ZDBF2: variants seen among roughly 807,000 people sequenced by gnomAD.
ZDBF2 encodes the protein zinc finger DBF-type containing 2.
In ZDBF2, 6 loss-of-function variants were observed where a neutral mutation model predicts 9.4. That is an observed-to-expected ratio of 0.64 (90% CI 0.35 to 1.27). The LOEUF is 1.27. Ranked by LOEUF, ZDBF2 falls within the 50% of genes most tolerant of loss-of-function variation. ZDBF2 has a pLI of 0.03. For missense variants in ZDBF2, 2,697 were observed against 2,766.8 expected (o/e 0.97, Z 0.57); for synonymous variants, 905 against 946.3 (o/e 0.96, Z 0.80).
rs73052142 is a variant in ZDBF2 at position 206,300,219 on chromosome 2, T to C, written c.188+2846T>C. On this transcript the variant is annotated intron_variant, in intron 4 of 4. Coordinates refer to ENST00000374423, the MANE Select transcript of ZDBF2 (RefSeq NM_020923.3). ...AAACCAAGAAATTACATTGATACCA[T>C]ACTAACAGCTAATCTGTAGACCTTG... Among the ~76,000 whole-genome samples the C allele has an allele frequency of 2.9e-3, 447 of 152,332 alleles. 1 individual carries two copies. The highest frequency in any genetic ancestry group is 9.9e-3 in the African/African-American group (410 of 41,582).
Position 206,312,958 on chromosome 2 carries a change from T to A in ZDBF2, c.*1365T>A, listed in dbSNP as rs537993960. ...AACGAGATGCAGTTTGAGTCTGGGA[T>A]ACTCAGAATAGATCCAGAACCTTTA... On this transcript the variant is annotated 3_prime_UTR_variant, in exon 5 of 5. Coordinates refer to ENST00000374423, the MANE Select transcript of ZDBF2 (RefSeq NM_020923.3). The A allele has an allele frequency of 3.9e-5, 6 of 152,360 alleles. No homozygotes were observed. The highest frequency in any genetic ancestry group is 1.2e-4 in the African/African-American group (5 of 41,596). 9.4% of individuals were successfully genotyped at this position (152,360 alleles called of 1,614,324 possible).
In ZDBF2 at chr2:206,311,052, A is replaced by T. The variant is rs760980033; in HGVS notation, c.6524A>T (p.Lys2175Ile). The T allele has an allele frequency of 4.3e-6, 7 of 1,610,244 alleles. No individual in the cohort carries two copies. Among genetic ancestry groups the T allele is most frequent in the Non-Finnish European group, 5.9e-6 (7 of 1,179,058 alleles). Reference protein sequence around the residue: ...NKLLESQSKKKIHGKRVTTSS... With the variant: ...NKLLESQSKKIIHGKRVTTSS... Reference sequence around the variant, plus strand: ...CTTTTGGAAAGTCAAAGTAAAAAGAAAATTCATGGAAAGAGGGTGACAACT... The same window carrying T: ...CTTTTGGAAAGTCAAAGTAAAAAGATAATTCATGGAAAGAGGGTGACAACT... The change falls in exon 5 of 5, where the codon AAA (lysine) becomes ATA (isoleucine). Residue 2175 changes from lysine (K) to isoleucine (I), a missense_variant. Physicochemically the swap from Lys to Ile is moderately radical, Grantham distance 102 (BLOSUM62 -3). Around this residue, in one of 3 missense-constraint regions of ZDBF2, gnomAD observed 1,783 missense variants for 1,776.5 expected, o/e 1.00. Coordinates refer to ENST00000374423, the MANE Select transcript of ZDBF2 (RefSeq NM_020923.3).
At chr2:206,286,994 C>G (rs980478486) in intron 3 of ZDBF2, among the ~76,000 whole-genome samples, 1 of 152,088 alleles carries the variant, frequency 6.6e-6, no homozygotes, top group Non-Finnish European at 1.5e-5. Context: ...CTATAAGCAG[C>G]TTTAGTAGCA....
intron 4 of ZDBF2, among the ~76,000 whole-genome samples, chr2:206,304,072 G>A (rs1334790373): frequency 6.6e-6 from 1 of 152,152 alleles, no homozygotes; most frequent in Non-Finnish European, 1.5e-5. Flanking sequence ...GGAATTAGAG[G>A]TCAAAGGGTA....
chr2:206,310,490 G>T lies in ZDBF2; in HGVS notation c.5962G>T (p.Gly1988Trp), dbSNP rs1693104956. The change falls in exon 5 of 5, where the codon GGG becomes TGG. Residue 1988 changes from glycine to tryptophan, a missense_variant. Coordinates refer to ENST00000374423, the MANE Select transcript of ZDBF2 (RefSeq NM_020923.3). ...DRKTKKKVKI[G>W]TVEFPASCTK... Reference sequence around the variant, plus strand: ...AAAAACCAAAAAGAAAGTCAAAATTGGGACAGTTGAATTTCCTGCATCATG... The same window carrying T: ...AAAAACCAAAAAGAAAGTCAAAATTTGGACAGTTGAATTTCCTGCATCATG... The T allele has an allele frequency of 6.2e-7, 1 of 1,613,410 alleles. No individual in the cohort carries two copies. Among genetic ancestry groups the T allele is most frequent in the Non-Finnish European group, 8.5e-7 (1 of 1,179,818 alleles).
chr2:206,291,772 A>C (rs1355629279), intron 3 of ZDBF2, among the ~76,000 whole-genome samples: 1 of 152,190 alleles, frequency 6.6e-6, no homozygotes, highest in Non-Finnish European at 1.5e-5. Flanking sequence ...TTGGTTTGCT[A>C]TTAATAATAT....
chr2:206,305,503 T>C lies in ZDBF2; in HGVS notation c.975T>C (p.Thr325=), dbSNP rs755911351. Residue 325 remains threonine (T), a synonymous_variant, in exon 5 of 5, where the codon ACT becomes ACC. Transcript: ENST00000374423. ...CTAATAAAGGAATCTTTGAAGATACTATTGCAAAGAACCATGAGGAATTCT... is the reference window on the plus strand; with the variant it reads ...CTAATAAAGGAATCTTTGAAGATACCATTGCAAAGAACCATGAGGAATTCT... The part of the protein sequence containing the change: ...MPSNKGIFED[T]IAKNHEEFFS... The C allele has an allele frequency of 6.2e-7, 1 of 1,613,326 alleles. No homozygotes were observed. The highest frequency in any genetic ancestry group is 1.1e-5 in the South Asian group (1 of 90,924).
chr2:206,278,224 A>C (rs573810114), intron 1 of ZDBF2, among the ~76,000 whole-genome samples: 2 of 152,306 alleles, frequency 1.3e-5, no homozygotes, highest in East Asian at 3.9e-4. Flanking sequence ...TTTTGTAATA[A>C]AAATTAATAA....
chr2:206,291,306 A>G (rs956430847), intron 3 of ZDBF2, among the ~76,000 whole-genome samples: 1 of 152,158 alleles, frequency 6.6e-6, no homozygotes, highest in Non-Finnish European at 1.5e-5. Context: ...GATCCCTTGC[A>G]TGCACAGTTC....
intron 1 of ZDBF2, among the ~76,000 whole-genome samples, chr2:206,279,253 T>C (rs565443705): frequency 6.6e-6 from 1 of 152,304 alleles, no homozygotes; most frequent in Non-Finnish European, 1.5e-5. Flanking sequence ...AGAGGCACAA[T>C]TGAGCCTTAT....
Position 206,304,967 on chromosome 2 carries a change from C to T in ZDBF2, c.439C>T (p.Gln147Ter), listed in dbSNP as rs1692694259. The change falls in exon 5 of 5, where the codon CAG (glutamine) becomes TAG (stop). Residue 147 changes from glutamine (Q) to a stop codon, truncating the protein, a stop_gained. Coordinates refer to ENST00000374423, the MANE Select transcript of ZDBF2 (RefSeq NM_020923.3). LOFTEE classifies it low-confidence loss of function (END_TRUNC). ...TCAAAAACTGGAGAAGGGACAGCAG[C>T]AGCCCTTGGAGTTTGTTCATAAAAT... ...VIQKLEKGQQ[Q>*]PLEFVHKIGA... 2 of 1,613,650 alleles carry T rather than the reference C, an allele frequency of 1.2e-6. No individual in the cohort carries two copies. Among genetic ancestry groups the T allele is most frequent in the Non-Finnish European group, 1.7e-6 (2 of 1,179,774 alleles).
In ZDBF2 at chr2:206,310,377, G is replaced by T; in HGVS notation, c.5849G>T (p.Cys1950Phe). ...ATCAGCCATAGTACTCAGACCAGTT[G>T]TAAGAATTACCCAGTGATGAAAAGA... ...AKISHSTQTS[C>F]KNYPVMKRKI... The change falls in exon 5 of 5, where the codon TGT becomes TTT. Residue 1950 changes from cysteine to phenylalanine, a missense_variant. Physicochemically the swap from Cys to Phe is radical, Grantham distance 205. Transcript: ENST00000374423. 6.2e-7 allele frequency: 1 copy of T among 1,613,932 alleles called. No homozygotes were observed. Among genetic ancestry groups the T allele is most frequent in the Non-Finnish European group, 8.5e-7 (1 of 1,179,888 alleles).
Position 206,307,707 on chromosome 2 carries a change from T to A in ZDBF2, c.3179T>A (p.Phe1060Tyr). ...ATGACTGACCAACCTCAACTAGCTT[T>A]TTTGAAGGAAAAACATGTTAATCTG... ...QSMTDQPQLA[F>Y]LKEKHVNLKD... Residue 1060 changes from phenylalanine (F) to tyrosine (Y), a missense_variant, in exon 5 of 5, where the codon TTT becomes TAT. This residue lies in a region of ZDBF2 where 1,783 missense variants were observed against 1,776.5 expected (regional missense o/e 1.00). Transcript: ENST00000374423. The A allele has an allele frequency of 6.2e-7, 1 of 1,613,476 alleles. No individual in the cohort carries two copies.
intron 3 of ZDBF2, among the ~76,000 whole-genome samples, chr2:206,290,583 T>C (rs1244851250): frequency 6.6e-6 from 1 of 152,242 alleles, no homozygotes; most frequent in Non-Finnish European, 1.5e-5. Context: ...AATTTATTCG[T>C]AAGCATTTTA....
chr2:206,281,806 G>C lies in ZDBF2; in HGVS notation c.-44G>C. On this transcript the variant is annotated 5_prime_UTR_variant, in exon 3 of 5. Transcript: ENST00000374423. ...TTTTTCTTTTTGTTTTTCAGCTTGA[G>C]TATTCAAAGACAGTAGCCATCTGAC... 6.3e-7 allele frequency: 1 copy of C among 1,576,930 alleles called. No individual in the cohort carries two copies. Among genetic ancestry groups the C allele is most frequent in the Non-Finnish European group, 8.7e-7 (1 of 1,152,960 alleles).
In ZDBF2 at chr2:206,306,762, G is replaced by T; in HGVS notation, c.2234G>T (p.Cys745Phe). ...GACATGGAAGTTAGGAGCTATGATT[G>T]CTCCAGCTCTGAGTTGACTTTTGAT... ...NIDMEVRSYD[C>F]SSSELTFDSD... The change falls in exon 5 of 5, where the codon TGC becomes TTC. Residue 745 changes from cysteine (C) to phenylalanine (F), a missense_variant. By Grantham distance (205) the Cys-to-Phe change is radical. Around this residue, in one of 3 missense-constraint regions of ZDBF2, gnomAD observed 910 missense variants for 973.6 expected, o/e 0.93. Transcript: ENST00000374423. The T allele has an allele frequency of 6.2e-7, 1 of 1,613,820 alleles. No individual in the cohort carries two copies. Among genetic ancestry groups the T allele is most frequent in the South Asian group, 1.1e-5 (1 of 91,080 alleles).
At chr2:206,278,127 C>T (rs1190008630) in intron 1 of ZDBF2, among the ~76,000 whole-genome samples, 3 of 151,894 alleles carry the variant, frequency 2.0e-5, no homozygotes, top group Non-Finnish European at 4.4e-5. Context: ...AGAACAAAGA[C>T]GAATACGATA....
At chr2:206,291,537 A>G (rs772673275) in intron 3 of ZDBF2, among the ~76,000 whole-genome samples, 28 of 152,136 alleles carry the variant, frequency 1.8e-4, no homozygotes, top group Non-Finnish European at 1.6e-4. Flanking sequence ...CGCCAATCCT[A>G]TTGAAGATGT....
At chr2:206,304,413 A>G (rs902885310) in intron 4 of ZDBF2, among the ~76,000 whole-genome samples, 4 of 152,200 alleles carry the variant, frequency 2.6e-5, no homozygotes, top group African/African-American at 7.2e-5. Flanking sequence ...GTTAAGTAAC[A>G]TATGTCAAAC....
Sources: allele counts gnomAD v4.1 joint callset (sites outside exome capture counted in the v4.1 genomes callset), GRCh38; gene constraint gnomAD v4.1.1; regional missense constraint gnomAD v4.1.1; transcripts MANE v1.5; gene names NCBI Gene and HGNC (gene_info 2026-07-23, HGNC 2026-07-21).